The following TDP1 variants were observed in gnomAD, a reference collection of about 807,000 sequenced individuals.
The protein encoded by TDP1 is tyrosyl-DNA phosphodiesterase 1.
Under a neutral mutation model 81.5 loss-of-function variants are expected in TDP1, and 64 were observed. The observed-to-expected ratio is 0.79, with a 90% CI of 0.64 to 0.97. The LOEUF (loss-of-function observed/expected upper bound fraction) is 0.97. Ranked by LOEUF, TDP1 falls within the 50% of genes least tolerant of loss-of-function variation. The pLI is 0.00. For synonymous variants in TDP1, 256 were observed against 264.3 expected (o/e 0.97, Z 0.30); for missense variants, 723 against 743.8 (o/e 0.97, Z 0.33).
At chr14:89,957,865 G>A (rs937191957) in intron 2 of TDP1, among the ~76,000 whole-genome samples, 3 of 152,234 alleles carry the variant, frequency 2.0e-5, no homozygotes, top group Admixed American at 2.0e-4. Context: ...CGCTTTGCCA[G>A]CTGGAGACCT....
intron 15 of TDP1, among the ~76,000 whole-genome samples, chr14:90,021,792 C>T (rs1886118960): frequency 6.6e-6 from 1 of 152,154 alleles, no homozygotes; most frequent in Admixed American, 6.5e-5. Flanking sequence ...TAGACTATGC[C>T]AACTGATTCA....
At chr14:89,998,428 G>GTATGTATGTATGTATGTATGTA (rs1896894133) in intron 14 of TDP1, among the ~76,000 whole-genome samples, 3 of 104,854 alleles carry the variant, frequency 2.9e-5, no homozygotes, top group African/African-American at 9.6e-5. Flanking sequence ...ATATATGTAT[G>GTATGTATGTATGTATGTATGTA]TATGTATGTA....
intron 9 of TDP1, 120 bp downstream of exon 9, chr14:89,984,803 T>A: frequency 6.3e-7 from 1 of 1,591,254 alleles, no homozygotes; most frequent in Non-Finnish European, 8.5e-7. Flanking sequence ...AGCTTCAGGA[T>A]GTGATGAGGG....
intron 7 of TDP1, among the ~76,000 whole-genome samples, chr14:89,979,737 A>G (rs991705151): frequency 2.8e-4 from 42 of 152,196 alleles, no homozygotes; most frequent in African/African-American, 9.9e-4. Flanking sequence ...TCTAAATGAC[A>G]AAGTCTGGAG....
intron 14 of TDP1, among the ~76,000 whole-genome samples, chr14:89,999,242 T>C (rs954538765): frequency 6.6e-6 from 1 of 152,220 alleles, no homozygotes; most frequent in Admixed American, 6.5e-5. Context: ...CCCTAGATTT[T>C]ATGCTCTGGT....
chr14:89,967,303 TCTC>T, intron 4 of TDP1, 61 bp from the exon 5 acceptor site: 1 of 1,505,178 alleles, frequency 6.6e-7, no homozygotes, highest in South Asian at 1.1e-5. Context: ...ACTAAACAAT[TCTC>T]CTTATGAACT....
rs568429242 is a variant in TDP1 at position 90,026,343 on chromosome 14, G to A, written c.1645-6763G>A. 5.3e-5 allele frequency among the ~76,000 whole-genome samples: 8 copies of A among 152,368 alleles called. No homozygotes were observed. In the South Asian group the frequency reaches 6.2e-4, roughly 12 times the overall value. On this transcript the variant is annotated intron_variant, in intron 15 of 16. Transcript: ENST00000335725. ...CAGCCGGGCAACAATTTGACATGGCGTATCTTGGTACCTGCTGATGTTCTC... is the reference window on the plus strand; with the variant it reads ...CAGCCGGGCAACAATTTGACATGGCATATCTTGGTACCTGCTGATGTTCTC...
chr14:90,017,527 A>G (rs7141376), intron 14 of TDP1, among the ~76,000 whole-genome samples: 1 of 152,088 alleles, frequency 6.6e-6, no homozygotes, highest in East Asian at 1.9e-4. Flanking sequence ...TCTGTTGAAC[A>G]TTACTTTGGA....
intron 15 of TDP1, among the ~76,000 whole-genome samples, chr14:90,029,805 C>G (rs1304642859): frequency 1.3e-5 from 2 of 152,154 alleles, no homozygotes; most frequent in African/African-American, 4.8e-5. Context: ...GGCCTTGCCA[C>G]TTTTAATAGC....
intron 5 of TDP1, chr14:89,970,909 G>T: frequency 3.6e-6 from 1 of 280,172 alleles, no homozygotes; most frequent in Non-Finnish European, 5.4e-6. Context: ...CTCAATCTCG[G>T]CTCACTGCAA....
chr14:89,994,663 G>A (rs756066957), intron 14 of TDP1, among the ~76,000 whole-genome samples: 1 of 152,232 alleles, frequency 6.6e-6, no homozygotes, highest in Non-Finnish European at 1.5e-5. Flanking sequence ...TGCATGTGAT[G>A]TTGTATCCTA....
chr14:90,025,939 A>G (rs1436848607), intron 15 of TDP1, among the ~76,000 whole-genome samples: 1 of 152,158 alleles, frequency 6.6e-6, no homozygotes, highest in Non-Finnish European at 1.5e-5. Flanking sequence ...TGGGAATAAT[A>G]TTGCACATAA....
At chr14:90,024,224 T>G (rs1427408136) in intron 15 of TDP1, among the ~76,000 whole-genome samples, 2 of 152,198 alleles carry the variant, frequency 1.3e-5, no homozygotes, top group Non-Finnish European at 2.9e-5. Flanking sequence ...ACTTACTGTT[T>G]ATGCTGTGCA....
chr14:89,976,062 A>C (rs577016660), intron 7 of TDP1, among the ~76,000 whole-genome samples: 1 of 152,228 alleles, frequency 6.6e-6, no homozygotes, highest in African/African-American at 2.4e-5. Context: ...TTGGGCCAGT[A>C]GTGGAGACAG....
At position 89,975,387 on chromosome 14, in the gene TDP1, T is replaced by G; in HGVS notation, c.757-394T>G. The stretch of plus-strand genomic sequence containing the variant: ...CACCGCACCTGGCCTTCAGTGTTTC[T>G]TTTAAATATGCTCTGAAAACTGTGT... On this transcript the variant is annotated intron_variant, in intron 6 of 16. Transcript: ENST00000335725. The G allele has an allele frequency of 6.1e-6, 6 of 985,388 alleles. No individual in the cohort carries two copies. In the South Asian group the frequency reaches 2.3e-4, roughly 39 times the overall value. 61.0% of individuals were successfully genotyped at this position (985,388 alleles called of 1,614,324 possible). A position where few individuals can be genotyped will look rare whatever the true frequency, so the allele number is the denominator to read the frequency against.
At chr14:89,966,079 TTAG>T in intron 3 of TDP1, 65 bp from the exon 4 acceptor site, 6 of 1,081,264 alleles carry the variant, frequency 5.5e-6, no homozygotes, top group South Asian at 2.5e-5. Context: ...GTTGAATGAG[TTAG>T]TAGTGATTAT....
rs1175745470 is a variant in TDP1 at position 90,044,667 on chromosome 14, G to A, written c.*1524G>A. The A allele has an allele frequency of 6.6e-6, 1 of 152,200 alleles. No homozygotes were observed. The highest frequency in any genetic ancestry group is 1.5e-5 in the Non-Finnish European group (1 of 68,052). The allele number at this position is 152,200 out of a possible 1,614,324, so 9.4% of individuals were successfully genotyped here. A position where few individuals can be genotyped will look rare whatever the true frequency, so the allele number is the denominator to read the frequency against. ...CCAACAGACAGGCTCTGCTGTATCT[G>A]TTGTACATACTGGGATTCTGTAAAG... On this transcript the variant is annotated 3_prime_UTR_variant, in exon 17 of 17. Transcript: ENST00000335725.
chr14:90,020,814 T>TTTTTTTTTTTTG (rs1217480966), intron 15 of TDP1, among the ~76,000 whole-genome samples: 60 of 142,288 alleles, frequency 4.2e-4, no homozygotes, highest in African/African-American at 1.3e-3. Context: ...TTTTTTTTTT[T>TTTTTTTTTTTTG]AGACAGAGTC....
At chr14:90,021,814 C>G (rs966046600) in intron 15 of TDP1, among the ~76,000 whole-genome samples, 1 of 152,182 alleles carries the variant, frequency 6.6e-6, no homozygotes, top group Non-Finnish European at 1.5e-5. Context: ...GAGCTAGGCA[C>G]CAATTAGGGT....
Sources: allele counts gnomAD v4.1 joint callset (sites outside exome capture counted in the v4.1 genomes callset), GRCh38; gene constraint gnomAD v4.1.1; transcripts MANE v1.5; gene names NCBI Gene and HGNC (gene_info 2026-07-23, HGNC 2026-07-21).